The following AGRN variants were observed in gnomAD, a reference collection of about 807,000 sequenced individuals.
The protein encoded by AGRN is agrin proteoglycan.
Under a neutral mutation model 211.0 loss-of-function variants are expected in AGRN, and 106 were observed. The observed-to-expected ratio is 0.50, with a 90% CI of 0.43 to 0.59. AGRN has a LOEUF of 0.59. AGRN is among the 20% of genes least tolerant of loss of function. The pLI is 0.00. For missense variants in AGRN, 3,040 were observed against 2,982.6 expected (o/e 1.02, Z -0.45); for synonymous variants, 1,525 against 1,332.5 (o/e 1.14, Z -3.15).
intron 30 of AGRN, 136 bp downstream of exon 30, chr1:1,050,973 C>T (rs13303306): frequency 2.6e-6 from 4 of 1,550,786 alleles, no homozygotes; most frequent in Admixed American, 2.0e-5. Flanking sequence ...TCCTCTGCCT[C>T]CTCTGCCTCC....
chr1:1,030,159 GTGCAGTGCATGGTGCTGTGAGATCAGCA>G (rs1431219009), intron 2 of AGRN, among the ~76,000 whole-genome samples: 12 of 92,376 alleles, frequency 1.3e-4, no homozygotes, highest in Non-Finnish European at 1.5e-4. Context: ...GTGTGTGTGT[GTGCAGTGCATGGTGCTGTGAGATCAGCA>G]TGTGTGTGTG....
intron 27 of AGRN, 22 bp downstream of exon 27, chr1:1,050,059 G>A (rs752381168): frequency 6.7e-7 from 1 of 1,486,986 alleles, no homozygotes; most frequent in Non-Finnish European, 8.9e-7. Context: ...GGGGCTCTCG[G>A]GGCAGGGGGG....
rs375540823 is a variant in AGRN at position 1,025,990 on chromosome 1, G to GC, written c.463+3528_463+3529insC. ...GCTTGCCCCTGCCTTGGCCTGGGGG[G>GC]GGGCTTTGCTGGCTGAAACCAAAGG... is the stretch of plus-strand genomic sequence containing the variant. On this transcript the variant is annotated intron_variant, in intron 2 of 35. Transcript: ENST00000379370. Among the ~76,000 whole-genome samples the GC allele has an allele frequency of 5.3e-4, 81 of 152,272 alleles. 1 individual carries two copies. Among genetic ancestry groups the GC allele is most frequent in the African/African-American group, 1.9e-3 (77 of 41,552 alleles).
In AGRN at chr1:1,046,306, G is replaced by T. The variant is rs756064634; in HGVS notation, c.2911+41G>T. 8 of 1,611,860 alleles carry T rather than the reference G, an allele frequency of 5.0e-6. No homozygotes were observed. In the South Asian group the frequency reaches 8.8e-5, roughly 18 times the overall value. ...CACTGCCCCAGAACTGACCAGGAAGGCCTGACGCTGCCCTAAATCCAGCCC... is the reference window on the plus strand; with the variant it reads ...CACTGCCCCAGAACTGACCAGGAAGTCCTGACGCTGCCCTAAATCCAGCCC... On this transcript the variant is annotated intron_variant, in intron 17 of 35. Transcript: ENST00000379370.
chr1:1,022,525 G>T (rs1644429510), intron 2 of AGRN, 63 bp downstream of exon 2: 1 of 1,537,752 alleles, frequency 6.5e-7, no homozygotes, highest in Non-Finnish European at 8.8e-7. Flanking sequence ...AGGGGGACAG[G>T]TTGCAGGGGT....
intron 2 of AGRN, among the ~76,000 whole-genome samples, chr1:1,027,891 G>T (rs1001086448): frequency 1.3e-5 from 2 of 152,236 alleles, no homozygotes; most frequent in Non-Finnish European, 2.9e-5. Context: ...AAGCCCCTGC[G>T]TGTCCGCAGG....
chr1:1,050,058 G>T (rs555243510), intron 27 of AGRN, 21 bp downstream of exon 27: 4 of 1,481,828 alleles, frequency 2.7e-6, no homozygotes, highest in Non-Finnish European at 1.8e-6. Context: ...TGGGGCTCTC[G>T]GGGCAGGGGG....
chr1:1,038,641 C>T (rs72900426), intron 3 of AGRN, among the ~76,000 whole-genome samples: 1,799 of 152,268 alleles, frequency 0.012, 40 homozygotes, highest in African/African-American at 0.041. Flanking sequence ...GCCAAGGTGA[C>T]CAAAAGGGGA....
intron 12 of AGRN, among the ~76,000 whole-genome samples, 178 bp downstream of exon 12, chr1:1,044,617 G>A (rs950509280): frequency 2.0e-5 from 3 of 152,212 alleles, no homozygotes; most frequent in African/African-American, 4.8e-5. Flanking sequence ...GTGTGTGGGC[G>A]TGTGTGTCCA....
chr1:1,054,629 C>T (rs1283997502), intron 35 of AGRN, 78 bp downstream of exon 35: 39 of 1,518,180 alleles, frequency 2.6e-5, no homozygotes, highest in East Asian at 4.9e-5. Context: ...CCCCCCAGCG[C>T]CCACCCTTGA....
intron 34 of AGRN, among the ~76,000 whole-genome samples, chr1:1,054,197 G>A (rs566998575): frequency 1.3e-5 from 2 of 152,344 alleles, no homozygotes; most frequent in East Asian, 1.9e-4. Flanking sequence ...CCCGGAGCCT[G>A]CCGGGGGTCG....
At position 1,051,793 on chromosome 1, in the gene AGRN, T is replaced by G. The variant is rs755383095; in HGVS notation, c.5629T>G (p.Tyr1877Asp). The change falls in exon 33 of 36, where the codon TAC becomes GAC. Residue 1877 changes from tyrosine to aspartate, a missense_variant. Transcript: ENST00000379370. ...LAFDGRTFVE[Y>D]LNAVTESEKA... ...CTTTGACGGGCGGACCTTTGTCGAG[T>G]ACCTCAACGCTGTGACCGAGAGGTA... The G allele has an allele frequency of 2.5e-6, 4 of 1,613,576 alleles. No homozygotes were observed. Among genetic ancestry groups the G allele is most frequent in the Non-Finnish European group, 3.4e-6 (4 of 1,179,952 alleles).
rs1459557084 is a variant in AGRN at position 1,055,363 on chromosome 1, G to A, written c.*382G>A. ...TGAGGTCTGATGGGGCCCTTCCTCC[G>A]GGTGACCCCACAGGGCCTTTCCAAG... On this transcript the variant is annotated 3_prime_UTR_variant, in exon 36 of 36. Transcript: ENST00000379370. The A allele has an allele frequency of 1.4e-5, 5 of 360,916 alleles. No homozygotes were observed. Among genetic ancestry groups the A allele is most frequent in the East Asian group, 7.1e-5 (1 of 14,158 alleles). 22.4% of individuals were successfully genotyped at this position (360,916 alleles called of 1,614,324 possible). A position where few individuals can be genotyped will look rare whatever the true frequency, so the allele number is the denominator to read the frequency against.
rs988630294 is a variant in AGRN, at chr1:1,045,876, G to A, written c.2680G>A (p.Asp894Asn). ...RALGPAGCEA[D>N]ASAPATCAEM... Reference sequence around the variant, plus strand: ...CCTGGGCCCCGCGGGCTGTGAAGCTGGTGAGTGAGGGCCAGCGCTACCCTG... The same window carrying A: ...CCTGGGCCCCGCGGGCTGTGAAGCTAGTGAGTGAGGGCCAGCGCTACCCTG... Residue 894 changes from aspartate (D) to asparagine (N), a missense_variant and splice_region_variant, in exon 15 of 36, where the codon GAC becomes AAC. Transcript: ENST00000379370. The A allele has an allele frequency of 6.2e-7, 1 of 1,610,624 alleles. No homozygotes were observed. Among genetic ancestry groups the A allele is most frequent in the Middle Eastern group, 1.6e-4 (1 of 6,062 alleles).
At chr1:1,046,985 G>A (rs1333349901) in intron 19 of AGRN, 28 bp downstream of exon 19, 2 of 1,564,528 alleles carry the variant, frequency 1.3e-6, no homozygotes, top group South Asian at 1.2e-5. Flanking sequence ...CGAGGGGAGT[G>A]TGAGGATAGC....
Position 1,044,247 on chromosome 1 carries a change from C to G in AGRN, c.2138C>G (p.Pro713Arg). The change falls in exon 11 of 36, where the codon CCA becomes CGA. Residue 713 changes from proline (P) to arginine (R), a missense_variant. Physicochemically the swap from Pro to Arg is moderately radical, Grantham distance 103. Transcript: ENST00000379370. ...CVCDFSCQSV[P>R]GSPVCGSDGV... The stretch of plus-strand genomic sequence containing the variant: ...TGTGACTTCAGCTGCCAGAGTGTCC[C>G]AGGCAGCCCGGTGAGCTCTGTACCC... 3.7e-6 allele frequency: 6 copies of G among 1,612,888 alleles called. No individual in the cohort carries two copies. The highest frequency in any genetic ancestry group is 5.1e-6 in the Non-Finnish European group (6 of 1,179,870).
At chr1:1,041,045 G>A in intron 4 of AGRN, 128 bp from the exon 5 acceptor site, 1 of 676,514 alleles carries the variant, frequency 1.5e-6, no homozygotes, top group South Asian at 6.3e-5. Flanking sequence ...GCGGGAGCGG[G>A]GGCGGGGCCT....
chr1:1,020,563 G>GCCGCCGCCGTCCTCCGC (rs1290725564), intron 1 of AGRN, among the ~76,000 whole-genome samples, 190 bp downstream of exon 1: 20 of 152,124 alleles, frequency 1.3e-4, no homozygotes, highest in African/African-American at 4.8e-4. Flanking sequence ...AAGTTGCTGC[G>GCCGCCGCCGTCCTCCGC]CCGCCGCCGT....
Position 1,048,927 on chromosome 1 carries a change from G to C in AGRN, c.4166G>C (p.Arg1389Pro). ...TCCTTCCTGGCCTTCCCCACTCTCC[G>C]CGCCTACCACACGCTGCGCCTGGCA... Reference protein sequence around the residue: ...GRSFLAFPTLRAYHTLRLALE... With the variant: ...GRSFLAFPTLPAYHTLRLALE... The change falls in exon 24 of 36, where the codon CGC (arginine) becomes CCC (proline). Residue 1389 changes from arginine to proline, a missense_variant. Physicochemically the swap from Arg to Pro is moderately radical, Grantham distance 103. Coordinates refer to ENST00000379370, the MANE Select transcript of AGRN (RefSeq NM_198576.4). The surrounding 1 kb of genome is among the most constrained non-coding windows in gnomAD (Gnocchi z 5.9). 1 of 1,561,302 alleles carries C rather than the reference G, an allele frequency of 6.4e-7. No homozygotes were observed. Among genetic ancestry groups the C allele is most frequent in the Non-Finnish European group, 8.7e-7 (1 of 1,154,116 alleles).
Sources: allele counts gnomAD v4.1 joint callset (sites outside exome capture counted in the v4.1 genomes callset), GRCh38; gene constraint gnomAD v4.1.1; non-coding constraint Gnocchi (gnomAD v3.1); transcripts MANE v1.5; gene names NCBI Gene and HGNC (gene_info 2026-07-23, HGNC 2026-07-21).